Variants in SEMA5A observed in about 807,000 individuals in gnomAD.
SEMA5A encodes the protein semaphorin 5A, also known as semaphorin-5A.
SEMA5A carries 55 observed loss-of-function variants against 135.5 expected under a neutral mutation model. The ratio of observed to expected loss-of-function variants is 0.41; its 90% confidence interval spans 0.33 to 0.51. The LOEUF is 0.51. Ranked by LOEUF, SEMA5A falls within the 20% of genes least tolerant of loss-of-function variation. The probability of loss-of-function intolerance (pLI) is 0.37; values close to 1 mark genes in which losing one functional copy is unlikely to be tolerated. For missense variants in SEMA5A, 1,290 were observed against 1,419.9 expected (o/e 0.91, Z 1.47); for synonymous variants, 580 against 546.5 (o/e 1.06, Z -0.85).
chr5:9,417,740 AT>A (rs1757328562), intron 2 of SEMA5A, among the ~76,000 whole-genome samples: 1 of 152,172 alleles, frequency 6.6e-6, no homozygotes, highest in African/African-American at 2.4e-5. Context: ...TCATTTTTAC[AT>A]TTATTACATC....
intron 2 of SEMA5A, among the ~76,000 whole-genome samples, chr5:9,390,313 A>C (rs1579461852): frequency 1.3e-5 from 2 of 152,230 alleles, no homozygotes; most frequent in East Asian, 3.8e-4. Flanking sequence ...GGAAGATATC[A>C]CCAAATGTAT....
intron 13 of SEMA5A, among the ~76,000 whole-genome samples, chr5:9,124,250 G>A (rs1267576259): frequency 6.6e-6 from 1 of 152,176 alleles, no homozygotes; most frequent in Non-Finnish European, 1.5e-5. Context: ...CAGCTCTGGT[G>A]TGGCGGAGGC....
intron 14 of SEMA5A, 138 bp downstream of exon 14, chr5:9,122,518 G>T: frequency 1.2e-6 from 1 of 854,704 alleles, no homozygotes; most frequent in Non-Finnish European, 1.6e-6. Flanking sequence ...AATCATGTAA[G>T]TTTTAAATGG....
chr5:9,344,793 C>T (rs1178681887), intron 3 of SEMA5A, among the ~76,000 whole-genome samples: 2 of 152,124 alleles, frequency 1.3e-5, no homozygotes, highest in African/African-American at 4.8e-5. Flanking sequence ...AATATATGAG[C>T]CTCTACTATT....
chr5:9,072,738 C>T (rs942757763), intron 16 of SEMA5A, among the ~76,000 whole-genome samples: 4 of 152,176 alleles, frequency 2.6e-5, no homozygotes, highest in Admixed American at 1.3e-4. Context: ...ACTGTTTTTA[C>T]ATAACTTAAT....
intron 16 of SEMA5A, among the ~76,000 whole-genome samples, chr5:9,092,963 C>G (rs1739117109): frequency 6.6e-6 from 1 of 152,092 alleles, no homozygotes; most frequent in South Asian, 2.1e-4. Context: ...CATAAAATGT[C>G]ATTTTTTAGT....
At chr5:9,234,010 G>A (rs1003179446) in intron 6 of SEMA5A, among the ~76,000 whole-genome samples, 1 of 152,068 alleles carries the variant, frequency 6.6e-6, no homozygotes, top group African/African-American at 2.4e-5. Flanking sequence ...TCAGGGAGAA[G>A]GGAAACTTTG....
intron 10 of SEMA5A, among the ~76,000 whole-genome samples, 172 bp from the exon 11 acceptor site, chr5:9,190,643 C>A (rs979409793): frequency 6.6e-6 from 1 of 152,144 alleles, no homozygotes; most frequent in African/African-American, 2.4e-5. Context: ...TCCTTAGCAT[C>A]CTTTTCATGT....
chr5:9,348,050 G>A (rs1753954637), intron 3 of SEMA5A, among the ~76,000 whole-genome samples: 1 of 152,190 alleles, frequency 6.6e-6, no homozygotes, highest in African/African-American at 2.4e-5. Context: ...AGTGTTAGGT[G>A]AGGGTCTGGC....
At chr5:9,392,032 C>T (rs1158481123) in intron 2 of SEMA5A, among the ~76,000 whole-genome samples, 1 of 152,118 alleles carries the variant, frequency 6.6e-6, no homozygotes, top group Non-Finnish European at 1.5e-5. Context: ...TTGAAACCCA[C>T]CAAGCTCATC....
chr5:9,221,395 C>T (rs77938226), intron 8 of SEMA5A, among the ~76,000 whole-genome samples: 17,826 of 147,704 alleles, frequency 0.12, 1,355 homozygotes, highest in Middle Eastern at 0.21. Flanking sequence ...CTCCGCCTCC[C>T]GGGTTCACAC....
intron 8 of SEMA5A, among the ~76,000 whole-genome samples, chr5:9,207,102 G>GCATATATATATATATA (rs1554003338): frequency 1.0e-5 from 1 of 97,698 alleles, no homozygotes; most frequent in African/African-American, 3.9e-5. Flanking sequence ...ATGATCAAGT[G>GCATATATATATATATA]TATATATATA....
chr5:9,195,952 G>T (rs1268157619), intron 10 of SEMA5A, among the ~76,000 whole-genome samples: 1 of 152,244 alleles, frequency 6.6e-6, no homozygotes, highest in Non-Finnish European at 1.5e-5. Context: ...ATCCTCACTT[G>T]GCTACTTATC....
chr5:9,111,546 G>A (rs1359325533), intron 15 of SEMA5A, among the ~76,000 whole-genome samples: 1 of 152,098 alleles, frequency 6.6e-6, no homozygotes, highest in East Asian at 1.9e-4. Flanking sequence ...ATTGTCTACT[G>A]AGCTGCATTT....
intron 11 of SEMA5A, among the ~76,000 whole-genome samples, chr5:9,182,153 C>T (rs913948588): frequency 1.9e-4 from 24 of 128,956 alleles, no homozygotes; most frequent in African/African-American, 7.3e-4. Context: ...GCTTCTGCCC[C>T]CCACCCCAAA....
intron 11 of SEMA5A, among the ~76,000 whole-genome samples, chr5:9,181,128 C>T (rs563868085): frequency 6.6e-6 from 1 of 152,104 alleles, no homozygotes; most frequent in African/African-American, 2.4e-5. Flanking sequence ...CAGGGCATCT[C>T]CGCTTTTTTC....
intron 3 of SEMA5A, among the ~76,000 whole-genome samples, chr5:9,344,452 TG>T (rs2150735280): frequency 6.6e-6 from 1 of 152,322 alleles, no homozygotes; most frequent in East Asian, 1.9e-4. Flanking sequence ...AAATGGTAGT[TG>T]TACCCAGCAA....
intron 16 of SEMA5A, among the ~76,000 whole-genome samples, chr5:9,102,198 A>C (rs778502744): frequency 3.9e-5 from 6 of 152,208 alleles, no homozygotes; most frequent in African/African-American, 1.4e-4. Flanking sequence ...AAAACTGTCA[A>C]TCTCTCTCAG....
intron 13 of SEMA5A, among the ~76,000 whole-genome samples, chr5:9,129,305 A>C (rs1741279560): frequency 6.6e-6 from 1 of 152,272 alleles, no homozygotes; most frequent in African/African-American, 2.4e-5. Context: ...TGGCAGGGTA[A>C]GAATGTGAGA....
Sources: allele counts gnomAD v4.1 joint callset (sites outside exome capture counted in the v4.1 genomes callset), GRCh38; gene constraint gnomAD v4.1.1; transcripts MANE v1.5; gene names NCBI Gene and HGNC (gene_info 2026-07-23, HGNC 2026-07-21).